TRIM46: variants seen among roughly 807,000 people sequenced by gnomAD.
The protein encoded by TRIM46 is tripartite motif-containing protein 46.
Under a neutral mutation model 69.7 loss-of-function variants are expected in TRIM46, and 17 were observed. The observed-to-expected ratio is 0.24, with a 90% CI of 0.17 to 0.37. The LOEUF (loss-of-function observed/expected upper bound fraction) is 0.37. Ranked by LOEUF, TRIM46 falls within the 10% of genes least tolerant of loss-of-function variation. The pLI is 1.00. For missense variants in TRIM46, 675 were observed against 1,025.1 expected (o/e 0.66, Z 4.66); for synonymous variants, 391 against 429.0 (o/e 0.91, Z 1.09).
At chr1:155,178,873 C>A in intron 7 of TRIM46, 1 of 1,410,938 alleles carries the variant, frequency 7.1e-7, no homozygotes, top group Non-Finnish European at 9.4e-7. Context: ...GCCCCGGGGG[C>A]CCTGCCCGCC....
In TRIM46 at chr1:155,178,212, G is replaced by A; in HGVS notation, c.1120G>A (p.Asp374Asn). The change falls in exon 6 of 10, where the codon GAC (aspartate) becomes AAC (asparagine). Residue 374 changes from aspartate to asparagine, a missense_variant. Physicochemically the swap from Asp to Asn is conservative, Grantham distance 23. Coordinates refer to ENST00000334634, the MANE Select transcript of TRIM46 (RefSeq NM_025058.5). ...TGCCCAGGAAGTACTTAAGGAAACA[G>A]ACCAGCCTTGCTTTGTGCAAGCCGC... is the stretch of plus-strand genomic sequence containing the variant. ...GYAQEVLKET[D>N]QPCFVQAAKQ... The A allele has an allele frequency of 6.2e-7, 1 of 1,611,640 alleles. No individual in the cohort carries two copies. The highest frequency in any genetic ancestry group is 8.5e-7 in the Non-Finnish European group (1 of 1,178,146).
At position 155,179,748 on chromosome 1, in the gene TRIM46, C is replaced by T. The variant is rs761692160; in HGVS notation, c.1402C>T (p.Arg468Cys). ...PAWHYTVEFR[R>C]TDVPAQPGPT... ...CTGGCACTATACCGTTGAGTTCCGG[C>T]GCACGGATGTGCCTGCTCAGCCAGG... The change falls in exon 8 of 10, where the codon CGC becomes TGC. Residue 468 changes from arginine to cysteine, a missense_variant. By Grantham distance (180) the Arg-to-Cys change is radical. This residue lies in a region of TRIM46 where 361 missense variants were observed against 498.3 expected (regional missense o/e 0.72). Coordinates refer to ENST00000334634, the MANE Select transcript of TRIM46 (RefSeq NM_025058.5). 81 of 1,613,196 alleles carry T rather than the reference C, an allele frequency of 5.0e-5. No individual in the cohort carries two copies. The highest frequency in any genetic ancestry group is 6.4e-5 in the Non-Finnish European group (76 of 1,179,988).
In TRIM46 at chr1:155,175,475, C is replaced by T. The variant is rs149212033; in HGVS notation, c.153C>T (p.Asn51=). ...CACTGGTGCTGCCCTGTACCCACAA[C>T]GTGTGCCAGGCCTGTGCCCGAGAGG... ...KQPLVLPCTH[N]VCQACAREVL... The change falls in exon 2 of 10, where the codon AAC becomes AAT. Residue 51 remains asparagine (N), a synonymous_variant. Coordinates refer to ENST00000334634, the MANE Select transcript of TRIM46 (RefSeq NM_025058.5). The surrounding 1 kb of genome is among the most constrained non-coding windows in gnomAD (Gnocchi z 4.2). 6.2e-6 allele frequency: 10 copies of T among 1,614,040 alleles called. No individual in the cohort carries two copies. Among genetic ancestry groups the T allele is most frequent in the Middle Eastern group, 1.6e-4 (1 of 6,084 alleles).
intron 9 of TRIM46, among the ~76,000 whole-genome samples, chr1:155,183,082 T>C (rs1288802394): frequency 6.6e-6 from 1 of 151,882 alleles, no homozygotes. Flanking sequence ...AGCTAATTTT[T>C]TGTATTTTTA....
intron 1 of TRIM46, chr1:155,174,559 C>G (rs929201977): frequency 1.3e-6 from 2 of 1,485,396 alleles, no homozygotes; most frequent in Non-Finnish European, 1.8e-6. Context: ...TCCCCCCCAC[C>G]ACTTCCTCCC....
At position 155,178,540 on chromosome 1, in the gene TRIM46, C is replaced by A; in HGVS notation, c.1212C>A (p.Ser404Arg). The A allele has an allele frequency of 6.2e-7, 1 of 1,614,156 alleles. No individual in the cohort carries two copies. Among genetic ancestry groups the A allele is most frequent in the Non-Finnish European group, 8.5e-7 (1 of 1,180,034 alleles). Residue 404 changes from serine (S) to arginine (R), a missense_variant, in exon 7 of 10, where the codon AGC becomes AGA. Ser to Arg is a moderately radical substitution (Grantham distance 110). This residue lies in a region of TRIM46 where 361 missense variants were observed against 498.3 expected (regional missense o/e 0.72). Coordinates refer to ENST00000334634, the MANE Select transcript of TRIM46 (RefSeq NM_025058.5). ...TCCAGACATTCCGGCCAGCTGCCAG[C>A]TCCTCCTTCCGCCATTGCCAGCTCG... is the stretch of plus-strand genomic sequence containing the variant. ...EALQTFRPAA[S>R]SSFRHCQLDV...
rs778068718 is a variant in TRIM46 at position 155,184,137 on chromosome 1, G to A, written c.2227G>A (p.Gly743Ser). The A allele has an allele frequency of 1.2e-6, 2 of 1,613,794 alleles. No homozygotes were observed. The highest frequency in any genetic ancestry group is 1.3e-5 in the African/African-American group (1 of 75,032). ...GGAVQLQEPV[G>S]TKPERKVTIG... The stretch of plus-strand genomic sequence containing the variant: ...CGCAGTACAGCTCCAGGAGCCAGTG[G>A]GCACTAAGCCTGAGAGGAAAGTCAC... The change falls in exon 10 of 10, where the codon GGC becomes AGC. Residue 743 changes from glycine (G) to serine (S), a missense_variant. Physicochemically the swap from Gly to Ser is moderately conservative, Grantham distance 56. Around this residue, in one of 5 missense-constraint regions of TRIM46, gnomAD observed 108 missense variants for 153.0 expected, o/e 0.71. Transcript: ENST00000334634. The surrounding 1 kb of genome is among the most constrained non-coding windows in gnomAD (Gnocchi z 5.6).
At chr1:155,178,739 T>TTGGGCCCCCCC in intron 7 of TRIM46, 126 bp downstream of exon 7, 136 of 1,348,236 alleles carry the variant, frequency 1.0e-4, no homozygotes, top group Non-Finnish European at 1.3e-4. Flanking sequence ...CAGCCATTCC[T>TTGGGCCCCCCC]CCCACCCAGC....
chr1:155,175,102 G>A lies in TRIM46; in HGVS notation c.64-284G>A. On this transcript the variant is annotated intron_variant, in intron 1 of 9. Coordinates refer to ENST00000334634, the MANE Select transcript of TRIM46 (RefSeq NM_025058.5). This position sits in a 1 kb window ranked among gnomAD's most constrained non-coding sequence, Gnocchi z 4.2. The stretch of plus-strand genomic sequence containing the variant: ...AGGCAGGTGAGGGGGCTGCCAGCTG[G>A]GGCTACTGCAGCTGGAGAAATGGGG... The A allele has an allele frequency of 7.4e-7, 1 of 1,359,452 alleles. No homozygotes were observed. The highest frequency in any genetic ancestry group is 1.5e-5 in the African/African-American group (1 of 66,684). The allele number at this position is 1,359,452 out of a possible 1,614,324, so 84.2% of individuals were successfully genotyped here. A position where few individuals can be genotyped will look rare whatever the true frequency, so the allele number is the denominator to read the frequency against.
Position 155,175,721 on chromosome 1 carries a change from T to G in TRIM46, c.325+74T>G. 1.9e-6 allele frequency: 3 copies of G among 1,604,408 alleles called. No individual in the cohort carries two copies. Among genetic ancestry groups the G allele is most frequent in the Non-Finnish European group, 2.6e-6 (3 of 1,174,660 alleles). On this transcript the variant is annotated intron_variant, in intron 2 of 9. Transcript: ENST00000334634. The surrounding 1 kb of genome is among the most constrained non-coding windows in gnomAD (Gnocchi z 4.2). ...CAGGAAGATGGAAGAAGTCCATCAC[T>G]GGTCAGAGGCATCTGTCTGTCTTTC...
In TRIM46 at chr1:155,179,846, T is replaced by C; in HGVS notation, c.1500T>C (p.Ser500=). The change falls in exon 8 of 10, where the codon TCT becomes TCC. Residue 500 remains serine, a synonymous_variant. Coordinates refer to ENST00000334634, the MANE Select transcript of TRIM46 (RefSeq NM_025058.5). ...SALLENPDTG[S]VYVLRVRGCN... ...TGCTTGAGAACCCCGACACGGGCTC[T>C]GTGTATGTGCTGCGTGTCCGCGGCT... is the stretch of plus-strand genomic sequence containing the variant. The C allele has an allele frequency of 6.2e-7, 1 of 1,613,658 alleles. No individual in the cohort carries two copies. Among genetic ancestry groups the C allele is most frequent in the Non-Finnish European group, 8.5e-7 (1 of 1,179,878 alleles).
At chr1:155,176,835 C>A (rs1665694496) in intron 3 of TRIM46, 97 bp from the exon 4 acceptor site, 2 of 1,464,680 alleles carry the variant, frequency 1.4e-6, no homozygotes, top group Admixed American at 1.8e-5. Context: ...CCACTCCCAT[C>A]TTGCCAGTGG....
At chr1:155,174,946 C>T in intron 1 of TRIM46, 1 of 1,386,676 alleles carries the variant, frequency 7.2e-7, no homozygotes, top group Non-Finnish European at 9.3e-7. Context: ...GCCAACCTCG[C>T]CTGGCTATCG....
chr1:155,178,545 C>T lies in TRIM46; in HGVS notation c.1217C>T (p.Ser406Phe), dbSNP rs756091188. The change falls in exon 7 of 10, where the codon TCC becomes TTC. Residue 406 changes from serine (S) to phenylalanine (F), a missense_variant. Transcript: ENST00000334634. ...LQTFRPAASS[S>F]FRHCQLDVGR... ...ACATTCCGGCCAGCTGCCAGCTCCT[C>T]CTTCCGCCATTGCCAGCTCGACGTG... 3 of 1,614,168 alleles carry T rather than the reference C, an allele frequency of 1.9e-6. No homozygotes were observed. Among genetic ancestry groups the T allele is most frequent in the African/African-American group, 2.7e-5 (2 of 75,064 alleles).
In TRIM46 at chr1:155,179,700, C is replaced by T; in HGVS notation, c.1354C>T (p.Leu452=). 6.2e-7 allele frequency: 1 copy of T among 1,613,432 alleles called. No individual in the cohort carries two copies. The highest frequency in any genetic ancestry group is 8.5e-7 in the Non-Finnish European group (1 of 1,179,960). Residue 452 remains leucine (L), a synonymous_variant, in exon 8 of 10, where the codon CTG becomes TTG. Coordinates refer to ENST00000334634, the MANE Select transcript of TRIM46 (RefSeq NM_025058.5). ...AYDQIFLCWR[L]PPHSPPAWHY... ...TGATCAGATCTTCCTGTGCTGGCGGCTGCCCCCCCATTCACCACCTGCCTG... is the reference window on the plus strand; with the variant it reads ...TGATCAGATCTTCCTGTGCTGGCGGTTGCCCCCCCATTCACCACCTGCCTG...
rs1168277138 is a variant in TRIM46, at chr1:155,182,227, A to G, written c.1886+78A>G. The G allele has an allele frequency of 2.9e-6, 4 of 1,393,932 alleles. No homozygotes were observed. The Admixed American group carries it at 8.1e-5, about 28-fold the overall frequency. 86.3% of individuals were successfully genotyped at this position (1,393,932 alleles called of 1,614,324 possible). A position where few individuals can be genotyped will look rare whatever the true frequency, so the allele number is the denominator to read the frequency against. On this transcript the variant is annotated intron_variant, in intron 9 of 9. Transcript: ENST00000334634. Reference sequence around the variant, plus strand: ...GCACAGAAGGGGTGGCAAGTGGAGCACAGACTTGCTAGGGTGGGGCTGGGA... The same window carrying G: ...GCACAGAAGGGGTGGCAAGTGGAGCGCAGACTTGCTAGGGTGGGGCTGGGA...
Position 155,182,120 on chromosome 1 carries a change from C to T in TRIM46, c.1857C>T (p.Phe619=). ...VGLESKLQES[F]QGAPDVISPR... is the part of the protein sequence containing the mutation. ...TGGAGAGCAAGCTTCAAGAAAGTTT[C>T]CAGGGTGCCCCCGATGTGATCAGCC... Residue 619 remains phenylalanine, a synonymous_variant, in exon 9 of 10, where the codon TTC becomes TTT. Coordinates refer to ENST00000334634, the MANE Select transcript of TRIM46 (RefSeq NM_025058.5). 1 of 1,614,156 alleles carries T rather than the reference C, an allele frequency of 6.2e-7. No homozygotes were observed. Among genetic ancestry groups the T allele is most frequent in the Non-Finnish European group, 8.5e-7 (1 of 1,180,014 alleles).
At position 155,178,530 on chromosome 1, in the gene TRIM46, C is replaced by G. The variant is rs1557812830; in HGVS notation, c.1202C>G (p.Pro401Arg). Residue 401 changes from proline to arginine, a missense_variant, in exon 7 of 10, where the codon CCA (proline) becomes CGA (arginine). This residue lies in a region of TRIM46 where 361 missense variants were observed against 498.3 expected (regional missense o/e 0.72). Transcript: ENST00000334634. ...RATEALQTFR[P>R]AASSSFRHCQ... Reference sequence around the variant, plus strand: ...ACTGAAGCCCTCCAGACATTCCGGCCAGCTGCCAGCTCCTCCTTCCGCCAT... The same window carrying G: ...ACTGAAGCCCTCCAGACATTCCGGCGAGCTGCCAGCTCCTCCTTCCGCCAT... The G allele has an allele frequency of 6.2e-7, 1 of 1,614,166 alleles. No homozygotes were observed. Among genetic ancestry groups the G allele is most frequent in the Non-Finnish European group, 8.5e-7 (1 of 1,180,032 alleles).
Position 155,181,922 on chromosome 1 carries a change from A to G in TRIM46, c.1659A>G (p.Arg553=), listed in dbSNP as rs199712977. ...GGCTGGCTATCAGCAAGGACCAGCG[A>G]GCAGTACGGAGTGTTCCAGGGCTGC... ...RERLAISKDQ[R]AVRSVPGLPL... Residue 553 remains arginine (R), a synonymous_variant, in exon 9 of 10, where the codon CGA becomes CGG. Coordinates refer to ENST00000334634, the MANE Select transcript of TRIM46 (RefSeq NM_025058.5). This position sits in a 1 kb window ranked among gnomAD's most constrained non-coding sequence, Gnocchi z 4.3. 23 of 1,613,904 alleles carry G rather than the reference A, an allele frequency of 1.4e-5. No individual in the cohort carries two copies. The highest frequency in any genetic ancestry group is 1.9e-5 in the Non-Finnish European group (23 of 1,180,036).
Sources: gnomAD v4.1 joint callset for allele counts (sites outside exome capture counted in the v4.1 genomes callset) on GRCh38, gnomAD v4.1.1 for gene constraint, gnomAD v4.1.1 regional missense constraint, Gnocchi (gnomAD v3.1) non-coding constraint, MANE v1.5 for transcripts, NCBI Gene and HGNC (gene_info 2026-07-23, HGNC 2026-07-21) for gene names.